SHOX: variants seen among roughly 807,000 people sequenced by gnomAD.
The protein encoded by SHOX is short stature homeobox protein.
A neutral mutation model predicts 29.6 loss-of-function variants in SHOX; 12 were observed. The ratio of observed to expected loss-of-function variants is 0.41; its 90% CI spans 0.26 to 0.66. SHOX has a LOEUF of 0.66. SHOX is among the 30% of genes least tolerant of loss of function. The probability of loss-of-function intolerance (pLI) is 0.35; values close to 1 mark genes in which losing one functional copy is unlikely to be tolerated. For missense variants in SHOX, 499 were observed against 437.7 expected (o/e 1.14, Z -1.25); for synonymous variants, 214 against 200.6 (o/e 1.07, Z -0.57).
In SHOX at chrX:648,511, G is replaced by T. The variant is rs145785748; in HGVS notation, c.*3875G>T. On this transcript the variant is annotated 3_prime_UTR_variant, in exon 5 of 5. Coordinates refer to ENST00000686671, the MANE Select transcript of SHOX (RefSeq NM_000451.4). ...CGCAAAGTGCTGGGATTACAGGCGT[G>T]AGCCACCGCACCTGGCCTGAATCTG... 3.3e-3 allele frequency among the ~76,000 whole-genome samples: 503 copies of T among 152,334 alleles called. 3 individuals carry two copies. In the East Asian group the frequency reaches 0.045, roughly 14 times the overall value.
Position 644,477 on chromosome X carries a change from G to C in SHOX, c.720G>C (p.Met240Ile). The C allele has an allele frequency of 6.6e-7, 1 of 1,524,024 alleles. No homozygotes were observed. The highest frequency in any genetic ancestry group is 2.5e-5 in the East Asian group (1 of 39,296). The allele number at this position is 1,524,024 out of a possible 1,614,324, so 94.4% of individuals were successfully genotyped here. A position where few individuals can be genotyped will look rare whatever the true frequency, so the allele number is the denominator to read the frequency against. The change falls in exon 5 of 5, where the codon ATG (methionine) becomes ATC (isoleucine). Residue 240 changes from methionine (M) to isoleucine (I), a missense_variant. Physicochemically the swap from Met to Ile is conservative, Grantham distance 10. Transcript: ENST00000686671. Reference sequence around the variant, plus strand: ...TGGCGGCGCACGCGCCCTACCTGATGTTCCCCCCGCCGCCCTTCGGGCTGC... The same window carrying C: ...TGGCGGCGCACGCGCCCTACCTGATCTTCCCCCCGCCGCCCTTCGGGCTGC... ...PHLAAHAPYL[M>I]FPPPPFGLPI... is the part of the protein sequence containing the mutation.
At chrX:634,535 C>G in intron 1 of SHOX, 83 bp from the exon 2 acceptor site, 1 of 1,467,096 alleles carries the variant, frequency 6.8e-7, no homozygotes, top group Non-Finnish European at 9.4e-7. Flanking sequence ...GGCCCCCTTT[C>G]CACCGCGGGA....
In SHOX at chrX:641,000, C is replaced by G. The variant is rs138998412; in HGVS notation, c.546C>G (p.Gly182=). The G allele has an allele frequency of 3.1e-6, 5 of 1,613,800 alleles. No homozygotes were observed. The highest frequency in any genetic ancestry group is 4.2e-6 in the Non-Finnish European group (5 of 1,179,812). Residue 182 remains glycine, a splice_region_variant and synonymous_variant, in exon 4 of 5, where the codon GGC becomes GGG. Coordinates refer to ENST00000686671, the MANE Select transcript of SHOX (RefSeq NM_000451.4). ...GACACCTGCTCCCTTTGGACACAGGCGTCATCTTGGGCACAGCCAACCACC... is the reference window on the plus strand; with the variant it reads ...GACACCTGCTCCCTTTGGACACAGGGGTCATCTTGGGCACAGCCAACCACC... ...CRKQENQMHK[G]VILGTANHLD...
intron 2 of SHOX, among the ~76,000 whole-genome samples, chrX:637,093 G>T (rs1304592564): frequency 6.6e-6 from 1 of 151,690 alleles, no homozygotes; most frequent in Non-Finnish European, 1.5e-5. Flanking sequence ...TCCCCAAAGC[G>T]ATACAGCCCA....
chrX:655,475 C>T (rs1408820740), downstream of SHOX, among the ~76,000 whole-genome samples: 3 of 151,312 alleles, frequency 2.0e-5, no homozygotes, highest in Admixed American at 6.6e-5. Flanking sequence ...TGTGGTGGCT[C>T]CTGCCCGTGA....
rs962387896 is a variant in SHOX at position 649,698 on chromosome X, C to T, written c.*5062C>T. Among the ~76,000 whole-genome samples, 56 of 152,074 alleles carry T rather than the reference C, an allele frequency of 3.7e-4. No individual in the cohort carries two copies. The highest frequency in any genetic ancestry group is 7.6e-4 in the Non-Finnish European group (52 of 68,032). On this transcript the variant is annotated 3_prime_UTR_variant, in exon 5 of 5. Transcript: ENST00000686671. The stretch of plus-strand genomic sequence containing the variant: ...GAGAGAGGATTTGGTGTGTGAGATC[C>T]GTACCAGCTCCAGCACACTGATAGG...
exon 6 of SHOX, chrX:659,320 C>T (rs889626266): frequency 1.3e-5 from 2 of 152,042 alleles, no homozygotes; most frequent in African/African-American, 4.8e-5. Flanking sequence ...CTCCTGAGCT[C>T]CAAAGATCCT....
chrX:643,886 T>C lies in SHOX; in HGVS notation c.634-505T>C, dbSNP rs1218636380. On this transcript the variant is annotated intron_variant, in intron 4 of 4. Coordinates refer to ENST00000686671, the MANE Select transcript of SHOX (RefSeq NM_000451.4). ...CCGGGAGAGGCTTGGGAGCCTGGTGTCCCGGGAGAGCCTTGGGGACCAGGT... is the reference window on the plus strand; with the variant it reads ...CCGGGAGAGGCTTGGGAGCCTGGTGCCCCGGGAGAGCCTTGGGGACCAGGT... Among the ~76,000 whole-genome samples the C allele has an allele frequency of 5.8e-4, 80 of 137,106 alleles. 1 individual carries two copies. The highest frequency in any genetic ancestry group is 1.4e-4 in the Non-Finnish European group (9 of 65,622). 89.9% of individuals were successfully genotyped at this position (137,106 alleles called of 152,430 possible).
rs200795374 is a variant in SHOX, at chrX:634,840, G to T, written c.486+14G>T. 1.3e-6 allele frequency: 2 copies of T among 1,549,932 alleles called. No individual in the cohort carries two copies. Among genetic ancestry groups the T allele is most frequent in the Non-Finnish European group, 8.7e-7 (1 of 1,147,376 alleles). On this transcript the variant is annotated intron_variant, in intron 2 of 4. Transcript: ENST00000686671. ...GCGCGCGTGCAGGTAGGAACCCGGGGGCGGGGGCGGGGGGCCCGGAGCCAT... is the reference window on the plus strand; with the variant it reads ...GCGCGCGTGCAGGTAGGAACCCGGGTGCGGGGGCGGGGGGCCCGGAGCCAT...
At position 646,341 on chromosome X, in the gene SHOX, G is replaced by A. The variant is rs1295898495; in HGVS notation, c.*1705G>A. ...CACAGCAAGGGGTTTGGTGACCTCC[G>A]AGAAGATCCATCTGCATGATTGGCA... On this transcript the variant is annotated 3_prime_UTR_variant, in exon 5 of 5. Coordinates refer to ENST00000686671, the MANE Select transcript of SHOX (RefSeq NM_000451.4). 1.3e-5 allele frequency: 2 copies of A among 151,788 alleles called. No homozygotes were observed. The highest frequency in any genetic ancestry group is 2.4e-5 in the African/African-American group (1 of 41,312). 9.4% of individuals were successfully genotyped at this position (151,788 alleles called of 1,614,324 possible). A position where few individuals can be genotyped will look rare whatever the true frequency, so the allele number is the denominator to read the frequency against.
chrX:650,806 A>C lies in SHOX; in HGVS notation c.*6170A>C, dbSNP rs867739837. On this transcript the variant is annotated 3_prime_UTR_variant, in exon 5 of 5. Coordinates refer to ENST00000686671, the MANE Select transcript of SHOX (RefSeq NM_000451.4). ...ACGTTTGACATTAAAAAAAAAAAAA[A>C]AAAAAAAAAAAAACTGGTGCCTAAT... Among the ~76,000 whole-genome samples, 723 of 143,752 alleles carry C rather than the reference A, an allele frequency of 5.0e-3. 9 individuals carry two copies. Among genetic ancestry groups the C allele is most frequent in the Middle Eastern group, 0.01 (3 of 286 alleles). 94.3% of individuals were successfully genotyped at this position (143,752 alleles called of 152,430 possible).
At chrX:636,600 TA>T (rs755369805) in intron 2 of SHOX, among the ~76,000 whole-genome samples, 199 of 11,358 alleles carry the variant, frequency 0.018, 76 homozygotes, top group East Asian at 0.03. Flanking sequence ...TATATACATA[TA>T]AAATATACAT....
chrX:630,040 A>G (rs1336011500), upstream of SHOX, among the ~76,000 whole-genome samples: 1 of 152,108 alleles, frequency 6.6e-6, no homozygotes, highest in African/African-American at 2.4e-5. Flanking sequence ...CGGAAAGAAT[A>G]TAGATCTTTA....
At chrX:624,930 C>A (rs577466568) in intron 1 of SHOX, among the ~76,000 whole-genome samples, 1 of 115,304 alleles carries the variant, frequency 8.7e-6, no homozygotes, top group Non-Finnish European at 1.8e-5. Context: ...TTCTTTCTTT[C>A]TTTTCTTTCT....
chrX:627,033 C>G (rs986699750), upstream of SHOX, among the ~76,000 whole-genome samples: 10 of 148,442 alleles, frequency 6.7e-5, no homozygotes, highest in Non-Finnish European at 1.4e-4. Context: ...TTCTGTCTCT[C>G]TATCTCTGTG....
intron 2 of SHOX, among the ~76,000 whole-genome samples, chrX:637,681 A>G (rs1185508805): frequency 6.6e-6 from 1 of 152,208 alleles, no homozygotes; most frequent in African/African-American, 2.4e-5. Context: ...AAAATCAATT[A>G]GTTCCAACAC....
Position 650,792 on chromosome X carries a change from TAAAAAAAAA to T in SHOX, c.*6175_*6183del, listed in dbSNP as rs1041655715. 8.7e-4 allele frequency among the ~76,000 whole-genome samples: 44 copies of T among 50,836 alleles called. No homozygotes were observed. Among genetic ancestry groups the T allele is most frequent in the Admixed American group, 1.5e-3 (5 of 3,248 alleles). The allele number at this position is 50,836 out of a possible 152,430, so 33.4% of individuals were successfully genotyped here. A position where few individuals can be genotyped will look rare whatever the true frequency, so the allele number is the denominator to read the frequency against. ...GGCTTTCGGTGGACACGTTTGACATTAAAAAAAAAAAAAAAAAAAAAAAAAAACTGGTGC... is the reference window on the plus strand; with the variant it reads ...GGCTTTCGGTGGACACGTTTGACATTAAAAAAAAAAAAAAAAAACTGGTGC... On this transcript the variant is annotated 3_prime_UTR_variant, in exon 5 of 5. Transcript: ENST00000686671.
chrX:645,363 T>C lies in SHOX; in HGVS notation c.*727T>C, dbSNP rs746790497. On this transcript the variant is annotated 3_prime_UTR_variant, in exon 5 of 5. Transcript: ENST00000686671. ...ACTTTTCCAGTGTTTGATTCCCAAA[T>C]TGGGTCTGGTTTTGTTTTGGATTGG... The C allele has an allele frequency of 1.8e-4, 27 of 149,176 alleles. No individual in the cohort carries two copies. The highest frequency in any genetic ancestry group is 6.6e-4 in the African/African-American group (27 of 40,630). 9.2% of individuals were successfully genotyped at this position (149,176 alleles called of 1,614,324 possible). A position where few individuals can be genotyped will look rare whatever the true frequency, so the allele number is the denominator to read the frequency against.
At chrX:630,493 C>G, upstream of SHOX, 1 of 301,306 alleles carries the variant, frequency 3.3e-6, no homozygotes, top group Middle Eastern at 1.2e-3. Flanking sequence ...TTTCCTCCGG[C>G]CACGGAGAGA....
Sources: gnomAD v4.1 joint callset for allele counts (sites outside exome capture counted in the v4.1 genomes callset) on GRCh38, gnomAD v4.1.1 for gene constraint, MANE v1.5 for transcripts, NCBI Gene and HGNC (gene_info 2026-07-23, HGNC 2026-07-21) for gene names.